The following PAWR variants were observed in gnomAD, a reference collection of about 807,000 sequenced individuals.
The protein encoded by PAWR is PRKC apoptosis WT1 regulator protein.
Under a neutral mutation model 32.0 loss-of-function variants are expected in PAWR, and 23 were observed. The observed-to-expected ratio is 0.72, with a 90% CI of 0.52 to 1.02. The LOEUF (loss-of-function observed/expected upper bound fraction) is 1.02, where lower values mean the gene tolerates loss of function less well. Among genes scored for constraint, PAWR ranks in the 50% least tolerant of loss-of-function variants. The pLI is 0.00. For missense variants in PAWR, 457 were observed against 437.7 expected (o/e 1.04, Z -0.39); for synonymous variants, 226 against 187.1 (o/e 1.21, Z -1.70).
At chr12:79,607,191 A>AG (rs1477456616) in intron 4 of PAWR, among the ~76,000 whole-genome samples, 1 of 152,140 alleles carries the variant, frequency 6.6e-6, no homozygotes, top group Non-Finnish European at 1.5e-5. Context: ...TGGGAGGCTG[A>AG]GGCAGATGGA....
chr12:79,628,797 G>C (rs1229909820), intron 2 of PAWR, among the ~76,000 whole-genome samples: 1 of 151,948 alleles, frequency 6.6e-6, no homozygotes, highest in African/African-American at 2.4e-5. Context: ...AGTGATTAAA[G>C]AAAAAATGAT....
intron 6 of PAWR, among the ~76,000 whole-genome samples, chr12:79,593,359 C>T (rs950714399): frequency 7.9e-5 from 12 of 152,126 alleles, no homozygotes; most frequent in East Asian, 1.9e-4. Flanking sequence ...ATTAAGTATT[C>T]GCTCTCCAGC....
intron 2 of PAWR, among the ~76,000 whole-genome samples, chr12:79,651,119 C>T (rs750994793): frequency 5.9e-5 from 9 of 152,154 alleles, no homozygotes; most frequent in South Asian, 2.1e-4. Context: ...CACTTGGGTG[C>T]TGGAGTAAAT....
intron 2 of PAWR, among the ~76,000 whole-genome samples, chr12:79,642,651 C>T (rs915382962): frequency 1.8e-4 from 28 of 152,144 alleles, no homozygotes; most frequent in African/African-American, 6.5e-4. Flanking sequence ...TATAGTCTCA[C>T]TCTTAAGGCC....
intron 2 of PAWR, among the ~76,000 whole-genome samples, chr12:79,673,944 G>A (rs1878035245): frequency 6.6e-6 from 1 of 152,134 alleles, no homozygotes; most frequent in South Asian, 2.1e-4. Context: ...CTCATGGATA[G>A]GAAGAATCAG....
chr12:79,593,701 G>T (rs76647971), intron 6 of PAWR, among the ~76,000 whole-genome samples: 60 of 126,800 alleles, frequency 4.7e-4, no homozygotes, highest in South Asian at 2.7e-3. Context: ...CAATTTTAGG[G>T]TTTTTTTTTT....
At chr12:79,639,848 TC>T (rs1376643809) in intron 2 of PAWR, among the ~76,000 whole-genome samples, 1 of 93,720 alleles carries the variant, frequency 1.1e-5, no homozygotes, top group Non-Finnish European at 2.1e-5. Flanking sequence ...CTATTCCTAT[TC>T]CTATTCCTAT....
chr12:79,635,295 G>A (rs1415734471), intron 2 of PAWR, among the ~76,000 whole-genome samples: 1 of 152,004 alleles, frequency 6.6e-6, no homozygotes, highest in African/African-American at 2.4e-5. Context: ...TGGCCATAAT[G>A]CTCTGGGCTC....
At chr12:79,599,847 T>C (rs1873892929) in intron 4 of PAWR, among the ~76,000 whole-genome samples, 1 of 152,228 alleles carries the variant, frequency 6.6e-6, no homozygotes, top group Admixed American at 6.5e-5. Flanking sequence ...TTTTTTTTAA[T>C]GTTAGCAACC....
Position 79,614,756 on chromosome 12 carries a change from A to G in PAWR, c.649-1147T>C, listed in dbSNP as rs1180130423. On this transcript the variant is annotated intron_variant, in intron 3 of 6. Transcript: ENST00000328827. ...TAAAAGAATAAGCTACCTTTATAAG[A>G]TAACCAGTTCCAGAGTAAAAGAGTA... Among the ~76,000 whole-genome samples the G allele has an allele frequency of 2.0e-5, 3 of 152,366 alleles. No homozygotes were observed. In the East Asian group the frequency reaches 5.8e-4, roughly 29 times the overall value.
chr12:79,632,306 T>C (rs1339740002), intron 2 of PAWR: 1 of 9,450 alleles, frequency 1.1e-4, no homozygotes, highest in Middle Eastern at 0.045. Context: ...CATATATATA[T>C]ACATACATAT....
chr12:79,634,284 GTTTT>G (rs1022808142), intron 2 of PAWR, among the ~76,000 whole-genome samples: 1 of 151,972 alleles, frequency 6.6e-6, no homozygotes, highest in Non-Finnish European at 1.5e-5. Flanking sequence ...TTATCTCTTG[GTTTT>G]TTCTTTTTTA....
chr12:79,634,491 G>A (rs1382515756), intron 2 of PAWR, among the ~76,000 whole-genome samples: 1 of 152,096 alleles, frequency 6.6e-6, no homozygotes, highest in African/African-American at 2.4e-5. Flanking sequence ...TTCAGGAAGA[G>A]GGGACAAGAT....
intron 4 of PAWR, among the ~76,000 whole-genome samples, chr12:79,597,436 C>T (rs1321798605): frequency 6.6e-6 from 1 of 152,000 alleles, no homozygotes; most frequent in African/African-American, 2.4e-5. Context: ...TGGACCAACA[C>T]TTTTAAAAAG....
chr12:79,660,896 T>C (rs994200456), intron 2 of PAWR, among the ~76,000 whole-genome samples: 7 of 151,916 alleles, frequency 4.6e-5, no homozygotes, highest in Non-Finnish European at 8.8e-5. Context: ...TGTATTTTTT[T>C]TTAAAGTATA....
chr12:79,671,451 C>T (rs567091911), intron 2 of PAWR, among the ~76,000 whole-genome samples: 3 of 152,244 alleles, frequency 2.0e-5, no homozygotes, highest in East Asian at 1.9e-4. Context: ...AAATATATGG[C>T]TATAGGTTTT....
At chr12:79,604,297 G>T (rs1033922144) in intron 4 of PAWR, 2 of 995,892 alleles carry the variant, frequency 2.0e-6, no homozygotes, top group South Asian at 8.9e-5. Flanking sequence ...AAAGGGAAAA[G>T]AAACAGTATC....
chr12:79,592,501 C>T lies in PAWR; in HGVS notation c.*106G>A. ...TGTTTGCTAGAAATAAATATACTTG[C>T]TTAGTTATTTTAATGTATTGCAGCA... On this transcript the variant is annotated 3_prime_UTR_variant, in exon 7 of 7. Coordinates refer to ENST00000328827, the MANE Select transcript of PAWR (RefSeq NM_002583.4). 1.8e-6 allele frequency: 1 copy of T among 566,398 alleles called. No homozygotes were observed. The highest frequency in any genetic ancestry group is 2.3e-5 in the South Asian group (1 of 42,946). 35.1% of individuals were successfully genotyped at this position (566,398 alleles called of 1,614,324 possible). A position where few individuals can be genotyped will look rare whatever the true frequency, so the allele number is the denominator to read the frequency against.
rs774368039 is a variant in PAWR, at chr12:79,689,825, C to A, written c.420G>T (p.Ser140=). 7 of 1,594,138 alleles carry A rather than the reference C, an allele frequency of 4.4e-6. No individual in the cohort carries two copies. In the Admixed American group the frequency reaches 1.0e-4, roughly 24 times the overall value. ...PDGVPEKGKS[S]GPSARKGKGQ... ...CCTTGCCTTTCCTGGCACTGGGGCC[C>A]GAGCTCTTGCCCTTCTCTGGGACGC... Residue 140 remains serine (S), a synonymous_variant, in exon 2 of 7, where the codon TCG becomes TCT. Transcript: ENST00000328827.
Sources: allele counts gnomAD v4.1 joint callset (sites outside exome capture counted in the v4.1 genomes callset), GRCh38; gene constraint gnomAD v4.1.1; transcripts MANE v1.5; gene names NCBI Gene and HGNC (gene_info 2026-07-23, HGNC 2026-07-21).